The following CHRM3 variants were observed in gnomAD, a reference collection of about 807,000 sequenced individuals.
The protein encoded by CHRM3 is muscarinic acetylcholine receptor M3.
Under a neutral mutation model 41.8 loss-of-function variants are expected in CHRM3, and 11 were observed. The observed-to-expected ratio is 0.26, with a 90% CI of 0.17 to 0.44. CHRM3 has a LOEUF of 0.44. Ranked by LOEUF, CHRM3 falls within the 20% of genes least tolerant of loss-of-function variation. CHRM3 has a pLI of 1.00. For missense variants in CHRM3, 571 were observed against 745.4 expected, an observed-to-expected ratio of 0.77 and a Z score of 2.72; for synonymous variants, 297 against 301.4, an observed-to-expected ratio of 0.99 and a Z score of 0.15.
chr1:239,834,862 C>T (rs1673186664), intron 6 of CHRM3, among the ~76,000 whole-genome samples: 1 of 152,162 alleles, frequency 6.6e-6, no homozygotes, highest in Non-Finnish European at 1.5e-5. Flanking sequence ...TCACTGGGTA[C>T]ACCTTGAATA....
intron 6 of CHRM3, among the ~76,000 whole-genome samples, chr1:239,883,515 G>T (rs1036793848): frequency 2.0e-5 from 3 of 152,154 alleles, no homozygotes; most frequent in African/African-American, 7.2e-5. Flanking sequence ...CTCTCTATGT[G>T]CTGAGCATTC....
At chr1:239,720,073 A>G (rs1272731673) in intron 5 of CHRM3, 1 of 151,966 alleles carries the variant, frequency 6.6e-6, no homozygotes, top group Non-Finnish European at 1.5e-5. Context: ...AAGACCTATG[A>G]TAGCAGTAAG....
At chr1:239,531,289 T>C (rs1670384768) in intron 2 of CHRM3, among the ~76,000 whole-genome samples, 1 of 152,154 alleles carries the variant, frequency 6.6e-6, no homozygotes, top group Admixed American at 6.6e-5. Context: ...CAGTGTGATA[T>C]TAGCATAAAG....
intron 4 of CHRM3, among the ~76,000 whole-genome samples, chr1:239,650,174 C>T (rs961212909): frequency 1.3e-5 from 2 of 152,212 alleles, no homozygotes; most frequent in Non-Finnish European, 2.9e-5. Context: ...GGGTTAAGCA[C>T]TAAGCCCTTC....
At chr1:239,591,526 C>CT (rs1490618775) in intron 3 of CHRM3, among the ~76,000 whole-genome samples, 5 of 151,574 alleles carry the variant, frequency 3.3e-5, no homozygotes, top group African/African-American at 1.2e-4. Flanking sequence ...CAGCGGACTG[C>CT]TTAGGAAGTG....
At chr1:239,828,982 G>A (rs923132027) in intron 6 of CHRM3, among the ~76,000 whole-genome samples, 1 of 152,204 alleles carries the variant, frequency 6.6e-6, no homozygotes, top group African/African-American at 2.4e-5. Context: ...TGCACACTAT[G>A]AGGGCTAGAT....
intron 3 of CHRM3, among the ~76,000 whole-genome samples, chr1:239,563,563 T>C (rs2148501204): frequency 6.6e-6 from 1 of 152,324 alleles, no homozygotes; most frequent in East Asian, 1.9e-4. Context: ...GAATTCCAAA[T>C]AGGTTCACAG....
At chr1:239,408,212 G>A (rs1017367797) in intron 1 of CHRM3, 4 of 152,102 alleles carry the variant, frequency 2.6e-5, no homozygotes, top group African/African-American at 7.2e-5. Flanking sequence ...GCTGCCGTGT[G>A]AGGACAGACG....
chr1:239,525,726 C>T (rs1669950730), intron 2 of CHRM3, among the ~76,000 whole-genome samples: 1 of 152,176 alleles, frequency 6.6e-6, no homozygotes, highest in African/African-American at 2.4e-5. Context: ...TGCAACTCTC[C>T]AACTGCTTTT....
At chr1:239,422,473 A>G (rs1437917000) in intron 1 of CHRM3, among the ~76,000 whole-genome samples, 1 of 152,126 alleles carries the variant, frequency 6.6e-6, no homozygotes, top group Non-Finnish European at 1.5e-5. Flanking sequence ...TCCCATTTTC[A>G]TGTTTAAAAG....
At chr1:239,721,246 G>T (rs1050179806) in intron 5 of CHRM3, among the ~76,000 whole-genome samples, 2 of 151,828 alleles carry the variant, frequency 1.3e-5, no homozygotes, top group Non-Finnish European at 2.9e-5. Context: ...TAGAGGGAAT[G>T]CTGAATAAAA....
At chr1:239,715,081 G>A (rs1345406958) in intron 5 of CHRM3, among the ~76,000 whole-genome samples, 1 of 152,088 alleles carries the variant, frequency 6.6e-6, no homozygotes, top group South Asian at 2.1e-4. Flanking sequence ...GATGGGAGTG[G>A]CTAACAATAT....
At chr1:239,789,665 A>G (rs894298602) in intron 5 of CHRM3, among the ~76,000 whole-genome samples, 1 of 152,122 alleles carries the variant, frequency 6.6e-6, no homozygotes, top group Non-Finnish European at 1.5e-5. Context: ...AGGAACTAAG[A>G]GCGAACTTAC....
In CHRM3 at chr1:239,591,707, A is replaced by G. The variant is rs2148641586; in HGVS notation, c.-312-40517A>G. Among the ~76,000 whole-genome samples the G allele has an allele frequency of 1.3e-5, 2 of 152,284 alleles. 1 individual carries two copies. Among genetic ancestry groups the G allele is most frequent in the Middle Eastern group, 6.8e-3 (2 of 292 alleles). On this transcript the variant is annotated intron_variant, in intron 3 of 6. Transcript: ENST00000676153. ...GATGGGCTGTCAGCTGAAAGTTCAG[A>G]ATAACTGAGTCCCAAACAAGTATGT...
chr1:239,822,870 G>A (rs1222743167), intron 5 of CHRM3, among the ~76,000 whole-genome samples: 1 of 152,156 alleles, frequency 6.6e-6, no homozygotes, highest in African/African-American at 2.4e-5. Flanking sequence ...TAGGTACTTA[G>A]AGTAAAATGT....
chr1:239,525,003 A>G (rs764846252), intron 2 of CHRM3, among the ~76,000 whole-genome samples: 9 of 152,170 alleles, frequency 5.9e-5, no homozygotes, highest in Non-Finnish European at 1.3e-4. Context: ...ATCCTTTACA[A>G]TGTACTAACC....
intron 1 of CHRM3, among the ~76,000 whole-genome samples, chr1:239,478,665 A>C (rs1433372920): frequency 6.6e-6 from 1 of 152,210 alleles, no homozygotes; most frequent in Non-Finnish European, 1.5e-5. Context: ...GAATGGATGG[A>C]TGAATGAGAA....
intron 6 of CHRM3, among the ~76,000 whole-genome samples, chr1:239,881,175 C>T (rs1268810637): frequency 7.0e-6 from 1 of 142,098 alleles, no homozygotes; most frequent in Non-Finnish European, 1.5e-5. Context: ...CCCAGCTTCT[C>T]GGGAGGCTGA....
At chr1:239,904,906 C>CATAT (rs1679853994) in intron 6 of CHRM3, among the ~76,000 whole-genome samples, 1 of 152,050 alleles carries the variant, frequency 6.6e-6, no homozygotes, top group South Asian at 2.1e-4. Flanking sequence ...TTTATATGTG[C>CATAT]ATATGTGAGT....
Sources: gnomAD v4.1 joint callset for allele counts (sites outside exome capture counted in the v4.1 genomes callset) on GRCh38, gnomAD v4.1.1 for gene constraint, MANE v1.5 for transcripts, NCBI Gene and HGNC (gene_info 2026-07-23, HGNC 2026-07-21) for gene names.